Variants in PCDHA13 observed in about 807,000 individuals in gnomAD.
The protein encoded by PCDHA13 is protocadherin alpha-13.
PCDHA13 carries 54 observed loss-of-function variants against 64.8 expected under a neutral mutation model. The ratio of observed to expected loss-of-function variants is 0.83; its 90% confidence interval spans 0.67 to 1.04. The LOEUF (loss-of-function observed/expected upper bound fraction) is 1.04, where lower values mean the gene tolerates loss of function less well. Ranked by LOEUF, PCDHA13 falls within the 50% of genes least tolerant of loss-of-function variation. The pLI is 0.00. For synonymous variants in PCDHA13, 587 were observed against 564.4 expected (o/e 1.04, Z -0.57); for missense variants, 1,248 against 1,254.3 (o/e 0.99, Z 0.08).
intron 3 of PCDHA13, among the ~76,000 whole-genome samples, chr5:140,996,546 T>C (rs1179221123): frequency 6.6e-6 from 1 of 152,224 alleles, no homozygotes; most frequent in Admixed American, 6.5e-5. Flanking sequence ...GATATTATGC[T>C]GTCACTATCT....
At chr5:140,955,669 G>C (rs1031483633) in intron 1 of PCDHA13, among the ~76,000 whole-genome samples, 2 of 152,094 alleles carry the variant, frequency 1.3e-5, no homozygotes, top group African/African-American at 4.8e-5. Flanking sequence ...TTTTAACATA[G>C]TTTTTTCGAA....
chr5:140,885,516 T>C (rs1235698672), intron 1 of PCDHA13, among the ~76,000 whole-genome samples: 1 of 152,198 alleles, frequency 6.6e-6, no homozygotes, highest in South Asian at 2.1e-4. Context: ...TGCTGTGCTA[T>C]CATTTCATAT....
At chr5:140,993,337 G>A (rs2097550534) in intron 3 of PCDHA13, among the ~76,000 whole-genome samples, 1 of 151,924 alleles carries the variant, frequency 6.6e-6, no homozygotes, top group African/African-American at 2.4e-5. Context: ...GTGATTTGAA[G>A]GGCACTACGA....
intron 1 of PCDHA13, among the ~76,000 whole-genome samples, chr5:140,895,850 AC>A (rs2065202764): frequency 6.6e-6 from 1 of 152,110 alleles, no homozygotes; most frequent in Non-Finnish European, 1.5e-5. Context: ...TCACTCTTGT[AC>A]CCCAGGCTGG....
Position 140,882,752 on chromosome 5 carries a change from A to G in PCDHA13, c.484A>G (p.Ile162Val), listed in dbSNP as rs1457424583. 4 of 1,614,130 alleles carry G rather than the reference A, an allele frequency of 2.5e-6. No individual in the cohort carries two copies. In the East Asian group the frequency reaches 8.9e-5, roughly 36 times the overall value. The change falls in exon 1 of 4, where the codon ATT becomes GTT. Residue 162 changes from isoleucine (I) to valine (V), a missense_variant. Coordinates refer to ENST00000289272, the MANE Select transcript of PCDHA13 (RefSeq NM_018904.3). Reference sequence around the variant, plus strand: ...ACTAGATGGCGCATCCGATGCAGATATTGGAGTAAACTCGGCATTGACCTA... The same window carrying G: ...ACTAGATGGCGCATCCGATGCAGATGTTGGAGTAAACTCGGCATTGACCTA... ...FPLDGASDAD[I>V]GVNSALTYRL... is the part of the protein sequence containing the mutation.
At chr5:140,942,619 T>A in intron 1 of PCDHA13, among the ~76,000 whole-genome samples, 1 of 148,900 alleles carries the variant, frequency 6.7e-6, no homozygotes. Context: ...TTGCCAATTG[T>A]AAAAAAAAAA....
chr5:140,955,557 C>T (rs1281978824), intron 1 of PCDHA13, among the ~76,000 whole-genome samples: 1 of 152,114 alleles, frequency 6.6e-6, no homozygotes, highest in East Asian at 1.9e-4. Flanking sequence ...GCCTCCCCAG[C>T]CATACTGAAC....
intron 1 of PCDHA13, among the ~76,000 whole-genome samples, chr5:140,954,291 T>C (rs1309677058): frequency 6.6e-6 from 1 of 152,230 alleles, no homozygotes; most frequent in African/African-American, 2.4e-5. Context: ...TTCCTTTGGG[T>C]ACATACCCAG....
Position 140,882,266 on chromosome 5 carries a change from A to G in PCDHA13, c.-3A>G, listed in dbSNP as rs1471101520. On this transcript the variant is annotated 5_prime_UTR_variant, in exon 1 of 4. Transcript: ENST00000289272. ...GATAGCTCTGAGGTTTTTGGAGTGT[A>G]CCATGCTGTCTTCCTGGCAAGGAGG... 6.2e-7 allele frequency: 1 copy of G among 1,610,426 alleles called. No homozygotes were observed. Among genetic ancestry groups the G allele is most frequent in the South Asian group, 1.1e-5 (1 of 90,584 alleles).
intron 1 of PCDHA13, among the ~76,000 whole-genome samples, chr5:140,919,430 T>C (rs935963449): frequency 1.3e-5 from 2 of 152,196 alleles, no homozygotes; most frequent in Non-Finnish European, 2.9e-5. Flanking sequence ...TGCCTTTTGA[T>C]TGGGTTCTTT....
chr5:140,932,430 G>A (rs1563132683), intron 1 of PCDHA13, among the ~76,000 whole-genome samples: 1 of 151,794 alleles, frequency 6.6e-6, no homozygotes, highest in East Asian at 1.9e-4. Context: ...TGTTCACCTG[G>A]AATTAAAGCA....
chr5:140,951,659 C>T (rs1293655737), intron 1 of PCDHA13, among the ~76,000 whole-genome samples: 3 of 152,164 alleles, frequency 2.0e-5, no homozygotes, highest in African/African-American at 7.2e-5. Flanking sequence ...CCCACCAGGG[C>T]CTGCCTACAA....
At chr5:140,946,611 A>ATATATATATATATATATATATATAT (rs2093972523) in intron 1 of PCDHA13, among the ~76,000 whole-genome samples, 1 of 86,812 alleles carries the variant, frequency 1.2e-5, no homozygotes, top group African/African-American at 6.4e-5. Context: ...GAAAATGTGA[A>ATATATATATATATATATATATATAT]ATATATATAT....
intron 1 of PCDHA13, among the ~76,000 whole-genome samples, chr5:140,972,862 T>C (rs781936892): frequency 2.0e-5 from 3 of 151,966 alleles, no homozygotes; most frequent in Non-Finnish European, 4.4e-5. Context: ...TGGGGTTTCA[T>C]CATGTTGTCC....
At chr5:140,898,624 A>G (rs1374108541) in intron 1 of PCDHA13, among the ~76,000 whole-genome samples, 13 of 152,248 alleles carry the variant, frequency 8.5e-5, no homozygotes, top group African/African-American at 2.6e-4. Flanking sequence ...CAGGTAGCAT[A>G]ATGCCTCCAG....
At chr5:140,981,824 C>T (rs1350256595) in intron 2 of PCDHA13, among the ~76,000 whole-genome samples, 4 of 152,108 alleles carry the variant, frequency 2.6e-5, no homozygotes, top group African/African-American at 7.2e-5. Flanking sequence ...CTCTGCTTGC[C>T]TCTAAAGGTC....
chr5:140,988,411 A>G (rs2097296392), intron 3 of PCDHA13, among the ~76,000 whole-genome samples: 1 of 152,144 alleles, frequency 6.6e-6, no homozygotes, highest in South Asian at 2.1e-4. Context: ...TTCGCAGCTT[A>G]TGTAAAGAAT....
Position 140,896,583 on chromosome 5 carries a change from GC to G in PCDHA13, c.2394+11923del, listed in dbSNP as rs1194968470. The stretch of plus-strand genomic sequence containing the variant: ...GTAGAGATGGGGTTTTGACGTGTTG[GC>G]CAGGCTGGTCTCGAACTCCTGGTCT... On this transcript the variant is annotated intron_variant, in intron 1 of 3. Coordinates refer to ENST00000289272, the MANE Select transcript of PCDHA13 (RefSeq NM_018904.3). Among the ~76,000 whole-genome samples, 4 of 151,654 alleles carry G rather than the reference GC, an allele frequency of 2.6e-5. No individual in the cohort carries two copies. In the East Asian group the frequency reaches 7.8e-4, roughly 29 times the overall value.
chr5:140,990,998 T>C (rs994699186), intron 3 of PCDHA13, among the ~76,000 whole-genome samples: 1 of 152,216 alleles, frequency 6.6e-6, no homozygotes, highest in Non-Finnish European at 1.5e-5. Flanking sequence ...CTACCATTTA[T>C]TGAGAACTGT....
Sources: gnomAD v4.1 joint callset for allele counts (sites outside exome capture counted in the v4.1 genomes callset) on GRCh38, gnomAD v4.1.1 for gene constraint, MANE v1.5 for transcripts, NCBI Gene and HGNC (gene_info 2026-07-23, HGNC 2026-07-21) for gene names.